The following PTN variants were observed in gnomAD, a reference collection of about 807,000 sequenced individuals.
PTN encodes the protein pleiotrophin.
Under a neutral mutation model 24.1 loss-of-function variants are expected in PTN, and 18 were observed. The observed-to-expected ratio is 0.75, with a 90% confidence interval of 0.52 to 1.11. The LOEUF is 1.11. Ranked by LOEUF, PTN falls within the 50% of genes least tolerant of loss-of-function variation. PTN has a pLI of 0.00. For missense variants in PTN, 163 were observed against 198.8 expected (o/e 0.82, Z 1.08); for synonymous variants, 78 against 68.6 (o/e 1.14, Z -0.67).
intron 1 of PTN, among the ~76,000 whole-genome samples, chr7:137,304,036 T>C (rs1809847815): frequency 6.6e-6 from 1 of 152,022 alleles, no homozygotes; most frequent in Non-Finnish European, 1.5e-5. Context: ...GACTGCACAA[T>C]GTACTTCAAG....
intron 4 of PTN, among the ~76,000 whole-genome samples, chr7:137,240,847 T>C (rs960820109): frequency 6.6e-6 from 1 of 152,234 alleles, no homozygotes; most frequent in African/African-American, 2.4e-5. Context: ...GCAGGAGCTC[T>C]AGAGTCGACT....
At chr7:137,325,067 A>G (rs1810236522) in intron 1 of PTN, among the ~76,000 whole-genome samples, 1 of 152,160 alleles carries the variant, frequency 6.6e-6, no homozygotes, top group Non-Finnish European at 1.5e-5. Context: ...GCAGAGCTTC[A>G]GTGAAATTGC....
intron 4 of PTN, among the ~76,000 whole-genome samples, chr7:137,243,959 C>T (rs1808678283): frequency 1.3e-5 from 2 of 152,066 alleles, no homozygotes; most frequent in Admixed American, 6.6e-5. Flanking sequence ...GATCTTTGGC[C>T]CTCCCGGAGA....
intron 4 of PTN, among the ~76,000 whole-genome samples, chr7:137,232,042 T>C (rs1168991810): frequency 2.0e-5 from 3 of 151,956 alleles, no homozygotes; most frequent in African/African-American, 7.2e-5. Flanking sequence ...TGAGAGCCAA[T>C]AGGATTCCTA....
At chr7:137,320,206 T>A (rs985295189) in intron 1 of PTN, among the ~76,000 whole-genome samples, 1 of 152,230 alleles carries the variant, frequency 6.6e-6, no homozygotes, top group African/African-American at 2.4e-5. Context: ...CTGTTTCTAC[T>A]CATCTTTCAC....
chr7:137,251,965 G>A (rs1010261508), intron 3 of PTN, among the ~76,000 whole-genome samples: 1 of 151,650 alleles, frequency 6.6e-6, no homozygotes, highest in African/African-American at 2.4e-5. Flanking sequence ...TACCAGCCTT[G>A]GGTTACTACA....
intron 1 of PTN, among the ~76,000 whole-genome samples, chr7:137,257,970 C>T (rs568280258): frequency 7.9e-5 from 12 of 152,262 alleles, no homozygotes; most frequent in African/African-American, 2.9e-4. Context: ...GTAAATAATA[C>T]AATAACACAC....
At chr7:137,245,436 G>C (rs1182826013) in intron 4 of PTN, among the ~76,000 whole-genome samples, 1 of 152,214 alleles carries the variant, frequency 6.6e-6, no homozygotes, top group Non-Finnish European at 1.5e-5. Context: ...CATGTCTGTG[G>C]TGATGCGGAT....
At chr7:137,312,814 G>T (rs932748731) in intron 1 of PTN, among the ~76,000 whole-genome samples, 2 of 151,968 alleles carry the variant, frequency 1.3e-5, no homozygotes, top group African/African-American at 2.4e-5. Context: ...ATATATATTG[G>T]GTAGTGAATG....
chr7:137,333,580 TTA>T (rs1457181175), intron 1 of PTN, among the ~76,000 whole-genome samples: 1 of 152,198 alleles, frequency 6.6e-6, no homozygotes, highest in Non-Finnish European at 1.5e-5. Flanking sequence ...TCTAATGCAG[TTA>T]TAGACGTTAA....
At chr7:137,251,189 C>T (rs764249104) in intron 4 of PTN, 41 bp downstream of exon 4, 31 of 1,600,874 alleles carry the variant, frequency 1.9e-5, no homozygotes, top group Non-Finnish European at 8.6e-6. Context: ...TACCTGAGTC[C>T]ATCAATCCAT....
intron 1 of PTN, among the ~76,000 whole-genome samples, chr7:137,321,826 T>C (rs1317442536): frequency 6.6e-6 from 1 of 152,222 alleles, no homozygotes; most frequent in Non-Finnish European, 1.5e-5. Context: ...TAATGTTCTA[T>C]TTATAAATTA....
chr7:137,301,354 C>T (rs745314948), intron 1 of PTN, among the ~76,000 whole-genome samples: 3 of 151,794 alleles, frequency 2.0e-5, no homozygotes, highest in Admixed American at 6.6e-5. Flanking sequence ...GCACCTGTAC[C>T]GTAAATGTTC....
intron 1 of PTN, among the ~76,000 whole-genome samples, chr7:137,332,549 CTTTAT>C (rs1243766878): frequency 6.6e-6 from 1 of 152,000 alleles, no homozygotes; most frequent in East Asian, 1.9e-4. Flanking sequence ...GGAAGAAAGG[CTTTAT>C]TTTATTGTTT....
chr7:137,286,848 T>C (rs962742502), intron 1 of PTN, among the ~76,000 whole-genome samples: 1 of 152,172 alleles, frequency 6.6e-6, no homozygotes, highest in Non-Finnish European at 1.5e-5. Flanking sequence ...CCTTAACTAA[T>C]TTTCAGCCCC....
intron 1 of PTN, among the ~76,000 whole-genome samples, chr7:137,339,489 T>G (rs1256107713): frequency 1.4e-5 from 2 of 146,778 alleles, no homozygotes; most frequent in African/African-American, 2.5e-5. Flanking sequence ...TCTACATTGA[T>G]GTTGGGAAAC....
intron 1 of PTN, chr7:137,326,403 CT>C (rs1223172985): frequency 3.9e-5 from 6 of 152,152 alleles, no homozygotes; most frequent in African/African-American, 1.4e-4. Context: ...ATGTACTCAC[CT>C]CCCATTATAA....
chr7:137,281,407 G>A (rs1809472039), intron 1 of PTN, among the ~76,000 whole-genome samples: 1 of 152,154 alleles, frequency 6.6e-6, no homozygotes, highest in African/African-American at 2.4e-5. Context: ...ACCAGCTACT[G>A]TGTGCTTTTA....
At chr7:137,340,547 G>A (rs1810517648) in intron 1 of PTN, among the ~76,000 whole-genome samples, 1 of 152,160 alleles carries the variant, frequency 6.6e-6, no homozygotes, top group Non-Finnish European at 1.5e-5. Flanking sequence ...ACTCTGGATG[G>A]AAAAAAGCAA....
Sources: gnomAD v4.1 joint callset for allele counts (sites outside exome capture counted in the v4.1 genomes callset) on GRCh38, gnomAD v4.1.1 for gene constraint, MANE v1.5 for transcripts, NCBI Gene and HGNC (gene_info 2026-07-23, HGNC 2026-07-21) for gene names.